The following CCT7 variants were observed in gnomAD, a reference collection of about 807,000 sequenced individuals.
CCT7 encodes T-complex protein 1 subunit eta.
CCT7 carries 16 observed loss-of-function variants against 56.6 expected under a neutral mutation model. That is an observed-to-expected ratio of 0.28 (90% CI 0.19 to 0.43). CCT7 has a LOEUF of 0.43. CCT7 is among the 20% of genes least tolerant of loss of function. The probability of loss-of-function intolerance (pLI) is 1.00; values close to 1 mark genes in which losing one functional copy is unlikely to be tolerated. For synonymous variants in CCT7, 262 were observed against 254.8 expected (o/e 1.03, Z -0.27); for missense variants, 519 against 685.6 (o/e 0.76, Z 2.71).
chr2:73,247,292 A>C (rs573158668), intron 6 of CCT7, among the ~76,000 whole-genome samples: 34 of 152,306 alleles, frequency 2.2e-4, no homozygotes, highest in Non-Finnish European at 2.1e-4. Context: ...TGGAGGGTGC[A>C]GTGCAAATTA....
rs115773553 is a variant in CCT7 at position 73,244,395 on chromosome 2, A to C, written c.447-149A>C. On this transcript the variant is annotated intron_variant, in intron 5 of 11. Coordinates refer to ENST00000258091, the MANE Select transcript of CCT7 (RefSeq NM_006429.4). Reference sequence around the variant, plus strand: ...TCTTTGACTGCAGTCACCATCTGTCACTGATAATCTGCCCTAAAGATACAA... The same window carrying C: ...TCTTTGACTGCAGTCACCATCTGTCCCTGATAATCTGCCCTAAAGATACAA... The C allele has an allele frequency of 5.4e-3, 3,600 of 661,162 alleles. 88 individuals carry two copies. The African/African-American group carries it at 0.056, about 10-fold the overall frequency. The allele number at this position is 661,162 out of a possible 1,614,324, so 41.0% of individuals were successfully genotyped here.
At chr2:73,237,359 TAACCTGTTGAGGTGAAAG>T (rs1686926049) in intron 1 of CCT7, among the ~76,000 whole-genome samples, 2 of 152,352 alleles carry the variant, frequency 1.3e-5, no homozygotes, top group South Asian at 4.1e-4. Context: ...TTGGGTAAGT[TAACCTGTTGAGGTGAAAG>T]AACCTGTTGA....
chr2:73,252,610 A>G (rs747356377), intron 11 of CCT7, 30 bp from the exon 12 acceptor site: 2 of 1,553,386 alleles, frequency 1.3e-6, no homozygotes, highest in South Asian at 1.1e-5. Context: ...GTAGTTCCAT[A>G]TTACCTCCTT....
chr2:73,240,758 C>T (rs1687071563), intron 3 of CCT7, among the ~76,000 whole-genome samples: 1 of 152,142 alleles, frequency 6.6e-6, no homozygotes, highest in East Asian at 1.9e-4. Flanking sequence ...TGAATGACAA[C>T]AGTCTTTAGA....
intron 1 of CCT7, among the ~76,000 whole-genome samples, chr2:73,238,912 C>T (rs928101872): frequency 1.2e-4 from 18 of 152,172 alleles, no homozygotes; most frequent in Non-Finnish European, 2.2e-4. Flanking sequence ...GAAGCCCTTA[C>T]GGGGATAGGG....
Position 73,252,629 on chromosome 2 carries a change from T to C in CCT7, c.1411-11T>C. On this transcript the variant is annotated splice_polypyrimidine_tract_variant and intron_variant, in intron 11 of 11. Coordinates refer to ENST00000258091, the MANE Select transcript of CCT7 (RefSeq NM_006429.4). ...TTCCATATTACCTCCTTTCTTTTCC[T>C]ACTCTTTTAGGGGGGTACATGGTAT... The C allele has an allele frequency of 6.2e-7, 1 of 1,607,194 alleles. No homozygotes were observed. Among genetic ancestry groups the C allele is most frequent in the South Asian group, 1.1e-5 (1 of 90,868 alleles).
intron 11 of CCT7, 93 bp from the exon 12 acceptor site, chr2:73,252,547 C>T (rs1483723725): frequency 5.3e-6 from 5 of 936,522 alleles, no homozygotes; most frequent in African/African-American, 3.3e-5. Context: ...AGAGAGTCTG[C>T]GGGTTCCTAG....
chr2:73,242,632 T>G (rs1558564726), intron 3 of CCT7, among the ~76,000 whole-genome samples: 1 of 152,244 alleles, frequency 6.6e-6, no homozygotes, highest in Non-Finnish European at 1.5e-5. Context: ...ACCATGATTA[T>G]TTTAAGTATT....
At position 73,252,738 on chromosome 2, in the gene CCT7, G is replaced by A; in HGVS notation, c.1509G>A (p.Leu503=). Residue 503 remains leucine, a synonymous_variant, in exon 12 of 12, where the codon CTG becomes CTA. Coordinates refer to ENST00000258091, the MANE Select transcript of CCT7 (RefSeq NM_006429.4). ...WEPAMVRINA[L]TAASEAACLI... is the part of the protein sequence containing the mutation. ...CAGCTATGGTGCGGATCAATGCGCT[G>A]ACAGCAGCCTCTGAGGCTGCGTGCC... 6.2e-7 allele frequency: 1 copy of A among 1,614,170 alleles called. No homozygotes were observed. Among genetic ancestry groups the A allele is most frequent in the Non-Finnish European group, 8.5e-7 (1 of 1,180,026 alleles).
chr2:73,250,478 C>G (rs373330254), intron 10 of CCT7, 40 bp downstream of exon 10: 4 of 1,609,012 alleles, frequency 2.5e-6, no homozygotes, highest in Non-Finnish European at 3.4e-6. Flanking sequence ...AGCCTACTCT[C>G]TCCTATCTCC....
chr2:73,243,178 T>A, intron 4 of CCT7, 49 bp downstream of exon 4: 1 of 1,592,176 alleles, frequency 6.3e-7, no homozygotes, highest in Non-Finnish European at 8.6e-7. Context: ...ACCTTCACAT[T>A]TCTCTTAGGA....
chr2:73,251,427 G>A lies in CCT7; in HGVS notation c.1405G>A (p.Ala469Thr). ...NILNKLRARH[A>T]QGGTWYGVDI... The stretch of plus-strand genomic sequence containing the variant: ...TCTCAACAAGCTGCGGGCTCGGCAT[G>A]CCCAGGTGGGTCCTTTCTCTCCCCA... The change falls in exon 11 of 12, where the codon GCC (alanine) becomes ACC (threonine). Residue 469 changes from alanine (A) to threonine (T), a missense_variant. By Grantham distance (58) the Ala-to-Thr change is moderately conservative (BLOSUM62 0). This residue lies in a region of CCT7 where 237 missense variants were observed against 300.8 expected (regional missense o/e 0.79). Transcript: ENST00000258091. The A allele has an allele frequency of 1.4e-6, 2 of 1,379,364 alleles. No individual in the cohort carries two copies. Among genetic ancestry groups the A allele is most frequent in the Non-Finnish European group, 9.8e-7 (1 of 1,021,278 alleles). 85.4% of individuals were successfully genotyped at this position (1,379,364 alleles called of 1,614,324 possible).
Position 73,251,531 on chromosome 2 carries a change from A to G in CCT7, c.1410+99A>G. The stretch of plus-strand genomic sequence containing the variant: ...TCAAGCTGTGCACGCCTGGCCCAGG[A>G]GATAGGCTGCAACTCCCCCCAGCCT... On this transcript the variant is annotated intron_variant, in intron 11 of 11. Coordinates refer to ENST00000258091, the MANE Select transcript of CCT7 (RefSeq NM_006429.4). 6 of 1,065,052 alleles carry G rather than the reference A, an allele frequency of 5.6e-6. No homozygotes were observed. The South Asian group carries it at 8.9e-5, about 16-fold the overall frequency. 66.0% of individuals were successfully genotyped at this position (1,065,052 alleles called of 1,614,324 possible). A position where few individuals can be genotyped will look rare whatever the true frequency, so the allele number is the denominator to read the frequency against.
chr2:73,242,442 G>C (rs999243107), intron 3 of CCT7, among the ~76,000 whole-genome samples: 3 of 152,062 alleles, frequency 2.0e-5, no homozygotes, highest in African/African-American at 7.2e-5. Flanking sequence ...ATCACGCCCA[G>C]CTAATTTTTG....
chr2:73,242,338 G>A (rs571282025), intron 3 of CCT7, among the ~76,000 whole-genome samples: 1 of 152,126 alleles, frequency 6.6e-6, no homozygotes, highest in African/African-American at 2.4e-5. Context: ...GGAGTGCTGT[G>A]GTGCGATCTT....
intron 11 of CCT7, among the ~76,000 whole-genome samples, chr2:73,252,100 T>C (rs1057470594): frequency 6.6e-6 from 1 of 152,024 alleles, no homozygotes; most frequent in Non-Finnish European, 1.5e-5. Context: ...CTTCAACCTC[T>C]CTGAGAGTTT....
At chr2:73,240,900 C>CT (rs78602288) in intron 3 of CCT7, among the ~76,000 whole-genome samples, 3,630 of 135,034 alleles carry the variant, frequency 0.027, 47 homozygotes, top group African/African-American at 0.033. Context: ...GCCTTTCTTT[C>CT]TTTTTTTTTT....
At chr2:73,242,331 G>A (rs748484991) in intron 3 of CCT7, among the ~76,000 whole-genome samples, 5 of 152,160 alleles carry the variant, frequency 3.3e-5, no homozygotes, top group Non-Finnish European at 7.4e-5. Context: ...CCAGGCTGGA[G>A]TGCTGTGGTG....
At chr2:73,248,583 G>A (rs190791211) in intron 7 of CCT7, among the ~76,000 whole-genome samples, 157 of 152,182 alleles carry the variant, frequency 1.0e-3, no homozygotes, top group African/African-American at 3.5e-3. Context: ...TTGAACTTCT[G>A]ACCTCAGGTG....
Sources: allele counts gnomAD v4.1 joint callset (sites outside exome capture counted in the v4.1 genomes callset), GRCh38; gene constraint gnomAD v4.1.1; regional missense constraint gnomAD v4.1.1; transcripts MANE v1.5; gene names NCBI Gene and HGNC (gene_info 2026-07-23, HGNC 2026-07-21).